Variants in SIPA1L3 observed in about 807,000 individuals in gnomAD.
SIPA1L3 encodes signal induced proliferation associated 1 like 3.
SIPA1L3 carries 59 observed loss-of-function variants against 150.1 expected under a neutral mutation model. The ratio of observed to expected loss-of-function variants is 0.39; its 90% CI spans 0.32 to 0.49. The LOEUF (loss-of-function observed/expected upper bound fraction) is 0.49, where lower values mean the gene tolerates loss of function less well. Ranked by LOEUF, SIPA1L3 falls within the 20% of genes least tolerant of loss-of-function variation. The pLI is 0.86. For missense variants in SIPA1L3, 2,211 were observed against 2,489.5 expected, an observed-to-expected ratio of 0.89 and a Z score of 2.38; for synonymous variants, 1,070 against 1,077.6, an observed-to-expected ratio of 0.99 and a Z score of 0.14.
At chr19:38,136,899 C>G (rs984315938) in intron 10 of SIPA1L3, among the ~76,000 whole-genome samples, 4 of 152,198 alleles carry the variant, frequency 2.6e-5, no homozygotes, top group Admixed American at 2.6e-4. Context: ...GGAAGTGAGG[C>G]TTTTGCTTCT....
At chr19:38,130,863 A>G (rs1971292788) in intron 10 of SIPA1L3, 91 bp downstream of exon 10, 2 of 1,392,792 alleles carry the variant, frequency 1.4e-6, no homozygotes, top group Non-Finnish European at 2.0e-6. Flanking sequence ...TGAGGTCCCA[A>G]TAGAGGGGGG....
intron 1 of SIPA1L3, among the ~76,000 whole-genome samples, chr19:37,946,116 T>C (rs2046708759): frequency 6.6e-6 from 1 of 151,692 alleles, no homozygotes; most frequent in Non-Finnish European, 1.5e-5. Flanking sequence ...GAATGCACCA[T>C]TGCACTCCAA....
chr19:38,088,650 A>G, intron 3 of SIPA1L3, 71 bp from the exon 4 acceptor site: 1 of 1,566,812 alleles, frequency 6.4e-7, no homozygotes, highest in Non-Finnish European at 8.7e-7. Context: ...CCCTGTCTGC[A>G]GGCCTGCTGG....
intron 2 of SIPA1L3, among the ~76,000 whole-genome samples, chr19:38,031,554 GC>G (rs1201180360): frequency 2.0e-5 from 3 of 152,152 alleles, no homozygotes; most frequent in African/African-American, 7.2e-5. Flanking sequence ...TTGGAACAGT[GC>G]CACACAGGCA....
intron 6 of SIPA1L3, among the ~76,000 whole-genome samples, chr19:38,101,458 G>A (rs1289363007): frequency 6.6e-6 from 1 of 152,080 alleles, no homozygotes; most frequent in Non-Finnish European, 1.5e-5. Context: ...GCCCAGGCTG[G>A]AGTGCAGTGG....
intron 1 of SIPA1L3, among the ~76,000 whole-genome samples, chr19:37,920,465 G>T (rs991305697): frequency 6.6e-6 from 1 of 152,186 alleles, no homozygotes; most frequent in Non-Finnish European, 1.5e-5. Flanking sequence ...GAGTGCAGGG[G>T]CTCAAGTGTG....
intron 1 of SIPA1L3, among the ~76,000 whole-genome samples, chr19:38,000,927 T>TATATCAC (rs1193416398): frequency 1.5e-5 from 2 of 133,406 alleles, no homozygotes; most frequent in Non-Finnish European, 3.1e-5. Flanking sequence ...ATATAACATA[T>TATATCAC]ATATAACATA....
chr19:38,189,362 C>T (rs1484984784), intron 16 of SIPA1L3, among the ~76,000 whole-genome samples: 1 of 152,108 alleles, frequency 6.6e-6, no homozygotes, highest in East Asian at 1.9e-4. Context: ...CACTCCTGGG[C>T]TCAAGTGATC....
rs1969089967 is a variant in SIPA1L3, at chr19:38,047,591, G to A, written c.-311+18435G>A. Among the ~76,000 whole-genome samples the A allele has an allele frequency of 6.6e-6, 1 of 152,214 alleles. No homozygotes were observed. Among genetic ancestry groups the A allele is most frequent in the Non-Finnish European group, 1.5e-5 (1 of 68,046 alleles). Reference sequence around the variant, plus strand: ...TGCCACTCACTTTATAGTAGAGGCAGTCACAGGCGATCTGTGGGTAGAGCG... The same window carrying A: ...TGCCACTCACTTTATAGTAGAGGCAATCACAGGCGATCTGTGGGTAGAGCG... On this transcript the variant is annotated intron_variant, in intron 2 of 21. Transcript: ENST00000222345. The surrounding 1 kb of genome is among the most constrained non-coding windows in gnomAD (Gnocchi z 4.7).
In SIPA1L3 at chr19:38,152,902, C is replaced by G. The variant is rs1971859276; in HGVS notation, c.3596C>G (p.Ser1199Cys). 1 of 1,613,706 alleles carries G rather than the reference C, an allele frequency of 6.2e-7. No homozygotes were observed. Among genetic ancestry groups the G allele is most frequent in the East Asian group, 2.2e-5 (1 of 44,892 alleles). Residue 1199 changes from serine (S) to cysteine (C), a missense_variant, in exon 13 of 22, where the codon TCC becomes TGC. This residue lies in a region of SIPA1L3 where 806 missense variants were observed against 870.1 expected (regional missense o/e 0.93). Coordinates refer to ENST00000222345, the MANE Select transcript of SIPA1L3 (RefSeq NM_015073.3). ...CCCCACTTCAGCCACGATGGGACGTCCAGCGGCGACTCCTCTTCCGGCGGC... is the reference window on the plus strand; with the variant it reads ...CCCCACTTCAGCCACGATGGGACGTGCAGCGGCGACTCCTCTTCCGGCGGC... ...LDPHFSHDGT[S>C]SGDSSSGGLT...
At position 38,046,743 on chromosome 19, in the gene SIPA1L3, C is replaced by T. The variant is rs1356030467; in HGVS notation, c.-311+17587C>T. On this transcript the variant is annotated intron_variant, in intron 2 of 21. Transcript: ENST00000222345. This position sits in a 1 kb window ranked among gnomAD's most constrained non-coding sequence, Gnocchi z 5.6. ...CCTCTGACCCCGCAACCCGGCATCT[C>T]CTGTGCCCGAGTGGCGTCTGTCAGT... is the stretch of plus-strand genomic sequence containing the variant. Among the ~76,000 whole-genome samples the T allele has an allele frequency of 6.6e-6, 1 of 152,210 alleles. No homozygotes were observed. Among genetic ancestry groups the T allele is most frequent in the African/African-American group, 2.4e-5 (1 of 41,450 alleles).
chr19:38,194,669 A>G (rs1306506906), intron 18 of SIPA1L3, among the ~76,000 whole-genome samples: 1 of 152,190 alleles, frequency 6.6e-6, no homozygotes, highest in Non-Finnish European at 1.5e-5. Context: ...TGCCTGTGCC[A>G]TCTGTACAGA....
Position 38,202,022 on chromosome 19 carries a change from G to T in SIPA1L3, c.5120+25G>T. 3.8e-6 allele frequency: 6 copies of T among 1,592,402 alleles called. No individual in the cohort carries two copies. In the South Asian group the frequency reaches 6.9e-5, roughly 18 times the overall value. On this transcript the variant is annotated intron_variant, in intron 20 of 21. Coordinates refer to ENST00000222345, the MANE Select transcript of SIPA1L3 (RefSeq NM_015073.3). ...GGTGAGGTTTCCCTGGGAACACCCG[G>T]GTTCATACCAGCGGCAGGCCTGTGC...
At chr19:38,152,557 G>A (rs769213383) in intron 12 of SIPA1L3, among the ~76,000 whole-genome samples, 3 of 152,158 alleles carry the variant, frequency 2.0e-5, no homozygotes, top group African/African-American at 4.8e-5. Flanking sequence ...TAGGGCTGTC[G>A]GCCCAAGCGG....
chr19:37,999,056 A>G (rs954563829), intron 1 of SIPA1L3, among the ~76,000 whole-genome samples: 8 of 151,880 alleles, frequency 5.3e-5, no homozygotes, highest in Non-Finnish European at 1.2e-4. Context: ...CATGAAAAGC[A>G]CTGCGATCCT....
chr19:38,166,455 CAAAA>C (rs545670843), intron 15 of SIPA1L3, among the ~76,000 whole-genome samples: 1 of 104,048 alleles, frequency 9.6e-6, no homozygotes, highest in Non-Finnish European at 2.0e-5. Flanking sequence ...GACTCTGTCT[CAAAA>C]AAAAAAAAAA....
At chr19:38,034,488 C>A (rs916585751) in intron 2 of SIPA1L3, among the ~76,000 whole-genome samples, 1 of 151,548 alleles carries the variant, frequency 6.6e-6, no homozygotes, top group African/African-American at 2.4e-5. Context: ...CTGTTCTTAG[C>A]CACTACACTT....
intron 1 of SIPA1L3, among the ~76,000 whole-genome samples, chr19:37,920,488 A>C (rs2046449503): frequency 6.6e-6 from 1 of 152,202 alleles, no homozygotes; most frequent in Admixed American, 6.5e-5. Context: ...TGGGTGAATA[A>C]GAGATGAAAT....
At chr19:38,066,255 G>A (rs1481587271) in intron 2 of SIPA1L3, among the ~76,000 whole-genome samples, 2 of 151,890 alleles carry the variant, frequency 1.3e-5, no homozygotes, top group African/African-American at 4.8e-5. Flanking sequence ...CACCCTCAAG[G>A]GATCCTCTTG....
Sources: gnomAD v4.1 joint callset for allele counts (sites outside exome capture counted in the v4.1 genomes callset) on GRCh38, gnomAD v4.1.1 for gene constraint, gnomAD v4.1.1 regional missense constraint, Gnocchi (gnomAD v3.1) non-coding constraint, MANE v1.5 for transcripts, NCBI Gene and HGNC (gene_info 2026-07-23, HGNC 2026-07-21) for gene names.